The following SNX29 variants were observed in gnomAD, a reference collection of about 807,000 sequenced individuals.
The protein encoded by SNX29 is sorting nexin 29, also known as sorting nexin-29.
Under a neutral mutation model 102.1 loss-of-function variants are expected in SNX29, and 78 were observed. The ratio of observed to expected loss-of-function variants is 0.76; its 90% CI spans 0.64 to 0.92. The LOEUF (loss-of-function observed/expected upper bound fraction) is 0.92. SNX29 is among the 40% of genes least tolerant of loss of function. The pLI is 0.00. For missense variants in SNX29, 1,280 were observed against 1,061.7 expected, an observed-to-expected ratio of 1.21 and a Z score of -2.86; for synonymous variants, 580 against 414.5, an observed-to-expected ratio of 1.40 and a Z score of -4.85.
At chr16:12,244,283 G>C (rs1375833847) in intron 14 of SNX29, among the ~76,000 whole-genome samples, 3 of 152,160 alleles carry the variant, frequency 2.0e-5, no homozygotes, top group Non-Finnish European at 4.4e-5. Flanking sequence ...CTAGAATTCT[G>C]AGAGTGGAAG....
chr16:12,055,775 TTTAAATG>T (rs1436167398), intron 8 of SNX29, among the ~76,000 whole-genome samples: 1 of 152,250 alleles, frequency 6.6e-6, no homozygotes, highest in Non-Finnish European at 1.5e-5. Flanking sequence ...AATCTACTGA[TTTAAATG>T]TTAATCTCAT....
At chr16:12,231,723 C>T (rs2077776654) in intron 14 of SNX29, among the ~76,000 whole-genome samples, 2 of 152,070 alleles carry the variant, frequency 1.3e-5, no homozygotes, top group Admixed American at 6.6e-5. Context: ...CATATTGCTC[C>T]CCAGGATTGT....
intron 13 of SNX29, among the ~76,000 whole-genome samples, chr16:12,169,405 C>T (rs1250892053): frequency 2.6e-5 from 4 of 152,140 alleles, no homozygotes; most frequent in African/African-American, 9.7e-5. Flanking sequence ...TCAGAAATGA[C>T]CCCAGGAGGC....
chr16:12,126,248 T>A (rs2054209298), intron 11 of SNX29, among the ~76,000 whole-genome samples: 1 of 152,230 alleles, frequency 6.6e-6, no homozygotes, highest in African/African-American at 2.4e-5. Context: ...CAGTAGTACT[T>A]GCTAAATGCT....
chr16:12,305,831 G>C (rs1276670977), intron 15 of SNX29, among the ~76,000 whole-genome samples: 1 of 152,098 alleles, frequency 6.6e-6, no homozygotes. Flanking sequence ...CAAAGCCCTT[G>C]TCCTTTTCTG....
At chr16:12,279,582 G>T (rs1251545370) in intron 15 of SNX29, among the ~76,000 whole-genome samples, 3 of 152,168 alleles carry the variant, frequency 2.0e-5, no homozygotes, top group Non-Finnish European at 4.4e-5. Flanking sequence ...CCAGGGTTCT[G>T]GGCCATGAGT....
At chr16:12,208,183 G>C (rs2077093554) in intron 14 of SNX29, among the ~76,000 whole-genome samples, 1 of 152,160 alleles carries the variant, frequency 6.6e-6, no homozygotes, top group East Asian at 1.9e-4. Flanking sequence ...ATGGGTGAGG[G>C]CTAGTCATAC....
intron 14 of SNX29, among the ~76,000 whole-genome samples, chr16:12,207,566 A>G (rs927517691): frequency 6.6e-6 from 1 of 151,840 alleles, no homozygotes; most frequent in African/African-American, 2.4e-5. Context: ...ACTGCTCATC[A>G]CAGAGCTGCT....
intron 12 of SNX29, among the ~76,000 whole-genome samples, chr16:12,127,450 C>G (rs1389884968): frequency 7.7e-6 from 1 of 130,286 alleles, no homozygotes; most frequent in Non-Finnish European, 1.6e-5. Context: ...TGAGATAGTT[C>G]TGGCTCTGTC....
At chr16:12,425,483 C>A (rs779041637) in intron 18 of SNX29, among the ~76,000 whole-genome samples, 1 of 141,610 alleles carries the variant, frequency 7.1e-6, no homozygotes, top group Non-Finnish European at 1.5e-5. Context: ...TTCCATTGCA[C>A]GCTGATTCAG....
intron 8 of SNX29, among the ~76,000 whole-genome samples, chr16:12,059,700 A>G (rs965825496): frequency 6.6e-6 from 1 of 152,230 alleles, no homozygotes; most frequent in Non-Finnish European, 1.5e-5. Context: ...AAGAGTTATT[A>G]AGAGACACCA....
intron 15 of SNX29, among the ~76,000 whole-genome samples, chr16:12,279,526 G>C (rs2079364699): frequency 6.6e-6 from 1 of 152,210 alleles, no homozygotes; most frequent in Non-Finnish European, 1.5e-5. Flanking sequence ...TTCCTTGGGA[G>C]CTCCCTCAGT....
chr16:12,048,752 T>G (rs2050189666), intron 7 of SNX29, 132 bp downstream of exon 7: 1 of 1,476,618 alleles, frequency 6.8e-7, no homozygotes, highest in Non-Finnish European at 9.4e-7. Flanking sequence ...CCATTTGTGT[T>G]TCTGTTTCTC....
At chr16:12,318,496 A>G (rs2080827973) in intron 15 of SNX29, among the ~76,000 whole-genome samples, 1 of 152,296 alleles carries the variant, frequency 6.6e-6, no homozygotes, top group East Asian at 1.9e-4. Context: ...AGAACCCGGC[A>G]GCTTCATTCC....
At chr16:12,480,317 T>C (rs1276180320) in intron 19 of SNX29, among the ~76,000 whole-genome samples, 1 of 152,184 alleles carries the variant, frequency 6.6e-6, no homozygotes, top group East Asian at 1.9e-4. Context: ...CTTTTTCAGC[T>C]TCTCAAGGCC....
At chr16:12,237,371 C>T (rs2077968180) in intron 14 of SNX29, among the ~76,000 whole-genome samples, 2 of 152,244 alleles carry the variant, frequency 1.3e-5, no homozygotes, top group Non-Finnish European at 2.9e-5. Context: ...ATGCGCTTAT[C>T]TCTAAGCCTC....
chr16:11,993,164 C>CATAAATAAATAAATAA (rs34364875), intron 1 of SNX29, among the ~76,000 whole-genome samples: 1 of 146,410 alleles, frequency 6.8e-6, no homozygotes, highest in East Asian at 2.0e-4. Context: ...GACTCTGTCT[C>CATAAATAAATAAATAA]ATAAATAAAT....
At position 12,570,234 on chromosome 16, in the gene SNX29, G is replaced by C. The variant is rs1190277763; in HGVS notation, c.*1605G>C. The C allele has an allele frequency of 8.4e-6, 9 of 1,065,332 alleles. No individual in the cohort carries two copies. Among genetic ancestry groups the C allele is most frequent in the East Asian group, 5.0e-5 (1 of 20,086 alleles). The allele number at this position is 1,065,332 out of a possible 1,614,324, so 66.0% of individuals were successfully genotyped here. On this transcript the variant is annotated 3_prime_UTR_variant, in exon 21 of 21. Coordinates refer to ENST00000566228, the MANE Select transcript of SNX29 (RefSeq NM_032167.5). ...CTGGGGCCAGATAAGCCCTGCCCCG[G>C]TGAGACCAAATGAGCTGGAGCATGT...
At chr16:11,994,893 A>G (rs1469001302) in intron 1 of SNX29, among the ~76,000 whole-genome samples, 3 of 152,078 alleles carry the variant, frequency 2.0e-5, no homozygotes, top group Non-Finnish European at 4.4e-5. Context: ...TCATGCAGAA[A>G]CCAGTGGCCA....
Sources: allele counts gnomAD v4.1 joint callset (sites outside exome capture counted in the v4.1 genomes callset), GRCh38; gene constraint gnomAD v4.1.1; transcripts MANE v1.5; gene names NCBI Gene and HGNC (gene_info 2026-07-23, HGNC 2026-07-21).